The following WDR49 variants were observed in gnomAD, a reference collection of about 807,000 sequenced individuals.
The protein encoded by WDR49 is WD repeat domain 49.
WDR49 carries 107 observed loss-of-function variants against 119.5 expected under a neutral mutation model. The observed-to-expected ratio is 0.90, with a 90% CI of 0.77 to 1.05. The LOEUF (loss-of-function observed/expected upper bound fraction) is 1.05, where lower values mean the gene tolerates loss of function less well. WDR49 is among the 50% of genes least tolerant of loss of function. The probability of loss-of-function intolerance (pLI) is 0.00; values close to 1 mark genes in which losing one functional copy is unlikely to be tolerated. For missense variants in WDR49, 1,240 were observed against 1,220.5 expected (o/e 1.02, Z -0.24); for synonymous variants, 425 against 418.8 (o/e 1.01, Z -0.18).
At chr3:167,609,916 T>C (rs537594388) in intron 5 of WDR49, among the ~76,000 whole-genome samples, 36 of 152,288 alleles carry the variant, frequency 2.4e-4, no homozygotes, top group African/African-American at 8.4e-4. Context: ...CCCTCAATCC[T>C]GGATGACACT....
chr3:167,575,485 C>A (rs1714199727), intron 8 of WDR49, among the ~76,000 whole-genome samples: 1 of 152,182 alleles, frequency 6.6e-6, no homozygotes, highest in Admixed American at 6.5e-5. Context: ...CCACTGTGAA[C>A]CACTGGTGTA....
At chr3:167,556,199 T>C (rs1712917587) in intron 9 of WDR49, among the ~76,000 whole-genome samples, 2 of 152,152 alleles carry the variant, frequency 1.3e-5, no homozygotes, top group Admixed American at 6.5e-5. Flanking sequence ...GGAGAGACAA[T>C]AAAAAATCAT....
chr3:167,525,391 C>G (rs1023757009), intron 15 of WDR49, among the ~76,000 whole-genome samples: 1 of 151,990 alleles, frequency 6.6e-6, no homozygotes, highest in East Asian at 1.9e-4. Flanking sequence ...ATTTGAATAC[C>G]CTTTATTTCT....
intron 16 of WDR49, among the ~76,000 whole-genome samples, chr3:167,509,667 C>A (rs759430168): frequency 6.6e-6 from 1 of 152,010 alleles, no homozygotes; most frequent in South Asian, 2.1e-4. Context: ...GGCCTTTATG[C>A]CTTTTGACTC....
At chr3:167,633,550 T>TAA (rs1717471928) in intron 2 of WDR49, 1 of 446,352 alleles carries the variant, frequency 2.2e-6, no homozygotes, top group African/African-American at 2.0e-5. Flanking sequence ...TGGCAGAAAG[T>TAA]AATTCCACAG....
Position 167,553,171 on chromosome 3 carries a change from C to T in WDR49, c.1823+1479G>A, listed in dbSNP as rs1712676856. Among the ~76,000 whole-genome samples the T allele has an allele frequency of 3.3e-5, 5 of 151,880 alleles. No homozygotes were observed. In the South Asian group the frequency reaches 1.0e-3, roughly 32 times the overall value. On this transcript the variant is annotated intron_variant, in intron 10 of 18. Transcript: ENST00000682715. Reference sequence around the variant, plus strand: ...TAGAATATATAATTTTTAAATCCACCAATATAAAGTGAAATAATATAACAG... The same window carrying T: ...TAGAATATATAATTTTTAAATCCACTAATATAAAGTGAAATAATATAACAG...
intron 5 of WDR49, among the ~76,000 whole-genome samples, chr3:167,608,214 T>C (rs773084994): frequency 1.1e-4 from 17 of 152,222 alleles, no homozygotes; most frequent in Non-Finnish European, 2.1e-4. Context: ...TATTATAACC[T>C]GACTCTCAGT....
chr3:167,522,561 C>T, intron 15 of WDR49, 77 bp from the exon 16 acceptor site: 2 of 1,443,904 alleles, frequency 1.4e-6, no homozygotes, highest in Non-Finnish European at 1.8e-6. Context: ...TTACCATGTG[C>T]TGGATTACTA....
rs1413196526 is a variant in WDR49, at chr3:167,536,920, T to A, written c.1904A>T (p.His635Leu). 6 of 1,558,520 alleles carry A rather than the reference T, an allele frequency of 3.8e-6. No homozygotes were observed. The highest frequency in any genetic ancestry group is 5.2e-6 in the Non-Finnish European group (6 of 1,152,890). Reference protein sequence around the residue: ...PEEWKGGIQHHDDILCAAFLP... With the variant: ...PEEWKGGIQHLDDILCAAFLP... ...AAACGCAGCACACAAGATGTCATCATGGTGCTGTATACCTCCTTTCCATTC... is the reference window on the plus strand; with the variant it reads ...AAACGCAGCACACAAGATGTCATCAAGGTGCTGTATACCTCCTTTCCATTC... Residue 635 changes from histidine (H) to leucine (L), a missense_variant, in exon 11 of 19, where the codon CAT (histidine) becomes CTT (leucine). Transcript: ENST00000682715.
rs148298156 is a variant in WDR49 at position 167,522,458 on chromosome 3, G to A, written c.2631C>T (p.Cys877=). ...TAGTATCTCTTTTAGGAAGGAAAAG[G>A]CAGTTTTCAATATGCCAGTGCTTTG... ...GQAKHWHIEN[C]LFLPKRDTNL... Residue 877 remains cysteine (C), a synonymous_variant, in exon 16 of 19, where the codon TGC becomes TGT. Coordinates refer to ENST00000682715, the MANE Select transcript of WDR49 (RefSeq NM_001366157.1). 8.7e-6 allele frequency: 14 copies of A among 1,600,640 alleles called. No homozygotes were observed. The African/African-American group carries it at 9.5e-5, about 11-fold the overall frequency.
Position 167,500,226 on chromosome 3 carries a change from G to A in WDR49, c.2958C>T (p.Asp986=), listed in dbSNP as rs1751508062. Residue 986 remains aspartate, a synonymous_variant, in exon 18 of 19, where the codon GAC becomes GAT. Coordinates refer to ENST00000682715, the MANE Select transcript of WDR49 (RefSeq NM_001366157.1). The part of the protein sequence containing the change: ...PEVNKPAFLL[D]PEKYFRKEPE... ...GTTCTTTCCTAAAGTATTTCTCAGG[G>A]TCTAGAAGGAAAGCAGGTTTATTCA... 1 of 1,604,890 alleles carries A rather than the reference G, an allele frequency of 6.2e-7. No homozygotes were observed. The highest frequency in any genetic ancestry group is 8.5e-7 in the Non-Finnish European group (1 of 1,177,404).
chr3:167,561,905 C>G (rs73029917), intron 8 of WDR49, among the ~76,000 whole-genome samples: 8,292 of 152,096 alleles, frequency 0.055, 696 homozygotes, highest in African/African-American at 0.19. Context: ...AGACAACTAA[C>G]AGTTCACTTA....
In WDR49 at chr3:167,554,654, C is replaced by A; in HGVS notation, c.1819G>T (p.Gly607Ter). The A allele has an allele frequency of 6.7e-7, 1 of 1,493,382 alleles. No homozygotes were observed. The highest frequency in any genetic ancestry group is 1.2e-5 in the South Asian group (1 of 82,882). 92.5% of individuals were successfully genotyped at this position (1,493,382 alleles called of 1,614,324 possible). The change falls in exon 10 of 19, where the codon GGA (glycine) becomes TGA (stop). Residue 607 changes from glycine to a stop codon, truncating the protein, a stop_gained. Transcript: ENST00000682715. LOFTEE classifies it high-confidence loss of function. ...RYDYASWKTI[G>*]RAITVFRPQN... ...TAAAAACATTCTCCTTTTTACCTTC[C>A]TATAGTTTTCCATGAGGCATAATCA...
intron 5 of WDR49, among the ~76,000 whole-genome samples, chr3:167,618,927 G>A (rs1577281384): frequency 6.6e-6 from 1 of 152,002 alleles, no homozygotes; most frequent in African/African-American, 2.4e-5. Flanking sequence ...GATTTTTTGG[G>A]ACCCTTAAAT....
intron 5 of WDR49, among the ~76,000 whole-genome samples, chr3:167,612,369 A>G (rs1174059130): frequency 1.4e-5 from 2 of 140,356 alleles, no homozygotes; most frequent in Non-Finnish European, 3.0e-5. Context: ...GCCTTCATCA[A>G]AAAAAAAAGG....
In WDR49 at chr3:167,536,902, G is replaced by A. The variant is rs780317442; in HGVS notation, c.1922C>T (p.Ala641Val). ...GIQHHDDILC[A>V]AFLPPQTLVT... is the part of the protein sequence containing the mutation. ...AAGAGTTTGTGGAGGTAAAAACGCA[G>A]CACACAAGATGTCATCATGGTGCTG... Residue 641 changes from alanine (A) to valine (V), a missense_variant, in exon 11 of 19, where the codon GCT (alanine) becomes GTT (valine). By Grantham distance (64) the Ala-to-Val change is moderately conservative. Transcript: ENST00000682715. 2.9e-5 allele frequency: 45 copies of A among 1,528,892 alleles called. No homozygotes were observed. The highest frequency in any genetic ancestry group is 3.2e-5 in the Non-Finnish European group (37 of 1,139,318). 94.7% of individuals were successfully genotyped at this position (1,528,892 alleles called of 1,614,324 possible).
At position 167,531,250 on chromosome 3, in the gene WDR49, C is replaced by A. The variant is rs376902900; in HGVS notation, c.2083G>T (p.Gly695Trp). The A allele has an allele frequency of 6.8e-6, 11 of 1,611,250 alleles. No homozygotes were observed. The highest frequency in any genetic ancestry group is 4.5e-5 in the East Asian group (2 of 44,850). The change falls in exon 13 of 19, where the codon GGG becomes TGG. Residue 695 changes from glycine (G) to tryptophan (W), a missense_variant. Coordinates refer to ENST00000682715, the MANE Select transcript of WDR49 (RefSeq NM_001366157.1). Reference protein sequence around the residue: ...DTKPQKLLSAGRSQPSHPMAD... With the variant: ...DTKPQKLLSAWRSQPSHPMAD... ...ATGGGGTGGGAGGGTTGGCTTCTCC[C>A]AGCACTGAGAAGTTTTTGAGGTTTT...
intron 5 of WDR49, among the ~76,000 whole-genome samples, chr3:167,610,832 T>C (rs1468997694): frequency 1.3e-5 from 2 of 152,172 alleles, no homozygotes; most frequent in African/African-American, 4.8e-5. Context: ...TTTAGGTGGC[T>C]CAGAACAGAC....
chr3:167,597,842 A>G (rs1715561411), intron 7 of WDR49, among the ~76,000 whole-genome samples: 1 of 152,202 alleles, frequency 6.6e-6, no homozygotes, highest in Non-Finnish European at 1.5e-5. Flanking sequence ...CAATGCCTGT[A>G]TCCCCACTGT....
Sources: gnomAD v4.1 joint callset for allele counts (sites outside exome capture counted in the v4.1 genomes callset) on GRCh38, gnomAD v4.1.1 for gene constraint, MANE v1.5 for transcripts, NCBI Gene and HGNC (gene_info 2026-07-23, HGNC 2026-07-21) for gene names.